The following EPM2A variants were observed in gnomAD, a reference collection of about 807,000 sequenced individuals.
EPM2A encodes laforin.
In EPM2A, 21 loss-of-function variants were observed where a neutral mutation model predicts 26.5. The ratio of observed to expected loss-of-function variants is 0.79; its 90% confidence interval spans 0.56 to 1.14. The LOEUF (loss-of-function observed/expected upper bound fraction) is 1.14, where lower values mean the gene tolerates loss of function less well. Ranked by LOEUF, EPM2A falls within the 50% of genes most tolerant of loss-of-function variation. The pLI, the probability that EPM2A is intolerant of heterozygous loss-of-function variation, is 0.00. For synonymous variants in EPM2A, 217 were observed against 177.6 expected (o/e 1.22, Z -1.76); for missense variants, 458 against 440.8 (o/e 1.04, Z -0.35).
chr6:145,575,636 A>G (rs1405323749), intron 2 of EPM2A, among the ~76,000 whole-genome samples: 4 of 152,174 alleles, frequency 2.6e-5, no homozygotes, highest in Non-Finnish European at 5.9e-5. Context: ...CAAGTTGTCA[A>G]AGGTATTATG....
Position 145,440,825 on chromosome 6 carries a change from C to T in EPM2A, c.556-56728G>A, listed in dbSNP as rs142451418. ...CTCCCACAGAGTTGGGCAGCTCTGC[C>T]CTATGGCCTTGCAGGGGACAGCCCT... On this transcript the variant is annotated intron_variant, in intron 4 of 4. Coordinates refer to the EPM2A transcript ENST00000638717. 2.9e-3 allele frequency among the ~76,000 whole-genome samples: 448 copies of T among 152,316 alleles called. 4 individuals carry two copies. Among genetic ancestry groups the T allele is most frequent in the Non-Finnish European group, 1.6e-3 (110 of 68,026 alleles).
chr6:145,634,758 AC>A (rs1776522542), intron 3 of EPM2A: 1 of 160,038 alleles, frequency 6.2e-6, no homozygotes, highest in African/African-American at 2.4e-5. Context: ...CCTCCAGCCC[AC>A]CCTCAGATCT....
At chr6:145,620,769 T>A (rs1029390607), downstream of EPM2A, among the ~76,000 whole-genome samples, 5 of 152,218 alleles carry the variant, frequency 3.3e-5, no homozygotes. Context: ...ACTAGTTCAT[T>A]TAATAGTAAT....
At chr6:145,694,814 C>T (rs1781479880) in intron 1 of EPM2A, among the ~76,000 whole-genome samples, 1 of 151,924 alleles carries the variant, frequency 6.6e-6, no homozygotes, top group African/African-American at 2.4e-5. Flanking sequence ...TACAACCTAC[C>T]ACATTCACAA....
At chr6:145,616,395 C>T (rs1775512825) in intron 2 of EPM2A, among the ~76,000 whole-genome samples, 1 of 152,192 alleles carries the variant, frequency 6.6e-6, no homozygotes, top group Non-Finnish European at 1.5e-5. Context: ...GCTTGGATGC[C>T]CAGGTAGAGG....
Position 145,686,211 on chromosome 6 carries a change from C to T in EPM2A, c.387G>A (p.Trp129Ter). Residue 129 changes from tryptophan to a stop codon, truncating the protein, a stop_gained, in exon 2 of 4, where the codon TGG (tryptophan) becomes TGA (stop). Coordinates refer to ENST00000367519, the MANE Select transcript of EPM2A (RefSeq NM_005670.4). LOFTEE classifies it high-confidence loss of function. ...DGVYCLPIGH[W>*]IEATGHTNEM... is the part of the protein sequence containing the mutation. ...CATTGGTGTGCCCAGTGGCCTCAAT[C>T]CAGTGTCCTATTGGGAGACAATACA... 6.2e-7 allele frequency: 1 copy of T among 1,613,740 alleles called. No homozygotes were observed. The highest frequency in any genetic ancestry group is 8.5e-7 in the Non-Finnish European group (1 of 1,179,704).
At chr6:145,646,380 G>A (rs1346411066) in intron 2 of EPM2A, among the ~76,000 whole-genome samples, 1 of 151,146 alleles carries the variant, frequency 6.6e-6, no homozygotes, top group Non-Finnish European at 1.5e-5. Flanking sequence ...TTTTCACCAT[G>A]TTGGCCAGGC....
chr6:145,484,007 T>C (rs1215473165), intron 4 of EPM2A, among the ~76,000 whole-genome samples: 1 of 152,150 alleles, frequency 6.6e-6, no homozygotes, highest in Non-Finnish European at 1.5e-5. Context: ...TACAACACCA[T>C]GCAAAAATTT....
rs73559108 is a variant in EPM2A, at chr6:145,411,055, G to T, written c.556-26958C>A. Reference sequence around the variant, plus strand: ...AAGAAGCTAATGAGGGAGGATATGTGAATCTTTCATCTACTATATGAACTA... The same window carrying T: ...AAGAAGCTAATGAGGGAGGATATGTTAATCTTTCATCTACTATATGAACTA... On this transcript the variant is annotated intron_variant, in intron 4 of 4. Transcript: ENST00000638717. 2.3e-3 allele frequency among the ~76,000 whole-genome samples: 352 copies of T among 152,276 alleles called. 1 individual carries two copies. The highest frequency in any genetic ancestry group is 8.0e-3 in the African/African-American group (332 of 41,558).
At chr6:145,406,093 A>T (rs1442170984) in intron 4 of EPM2A, among the ~76,000 whole-genome samples, 2 of 152,016 alleles carry the variant, frequency 1.3e-5, no homozygotes, top group African/African-American at 4.8e-5. Context: ...TATACAAATA[A>T]TTTGTTTAGG....
At chr6:145,638,585 A>G (rs781711372) in intron 2 of EPM2A, 6 of 152,238 alleles carry the variant, frequency 3.9e-5, no homozygotes, top group Non-Finnish European at 8.8e-5. Context: ...TTAAGAAATG[A>G]GTATGAACTA....
intron 2 of EPM2A, among the ~76,000 whole-genome samples, chr6:145,512,403 A>G (rs1007693302): frequency 1.3e-5 from 2 of 152,076 alleles, no homozygotes; most frequent in Non-Finnish European, 2.9e-5. Flanking sequence ...AAATAGACAC[A>G]CAGATCAATG....
chr6:145,438,573 A>G (rs113074329), intron 4 of EPM2A, among the ~76,000 whole-genome samples: 4 of 150,370 alleles, frequency 2.7e-5, no homozygotes, highest in South Asian at 2.1e-4. Context: ...TCTGGAGCTC[A>G]AGTGATTCTC....
intron 2 of EPM2A, among the ~76,000 whole-genome samples, chr6:145,642,416 A>G (rs1777152738): frequency 6.6e-6 from 1 of 152,206 alleles, no homozygotes; most frequent in African/African-American, 2.4e-5. Flanking sequence ...GTTTTAAAGA[A>G]TCTGTGGATT....
rs375469688 is a variant in EPM2A, at chr6:145,568,571, C to T, written c.341-65996G>A. 1.9e-4 allele frequency among the ~76,000 whole-genome samples: 29 copies of T among 152,274 alleles called. No individual in the cohort carries two copies. In the East Asian group the frequency reaches 3.7e-3, roughly 19 times the overall value. ...CTCCCGACCTCAGATGATCCACCTG[C>T]CTTAGCCTCCCAAAGTGCTAGGATT... On this transcript the variant is annotated intron_variant, in intron 2 of 3. Transcript: ENST00000450221.
rs928967152 is a variant in EPM2A at position 145,391,752 on chromosome 6, A to G, written c.556-7655T>C. Among the ~76,000 whole-genome samples the G allele has an allele frequency of 4.9e-4, 74 of 152,328 alleles. 1 individual carries two copies. The highest frequency in any genetic ancestry group is 1.7e-3 in the African/African-American group (69 of 41,578). ...CCCCGTGATTGAAGATAATGCATGC[A>G]TGAGCCCATTGACAGCTCAGTTGTC... On this transcript the variant is annotated intron_variant, in intron 4 of 4. Transcript: ENST00000638717.
At chr6:145,523,131 G>T (rs1188949838) in intron 2 of EPM2A, among the ~76,000 whole-genome samples, 1 of 152,108 alleles carries the variant, frequency 6.6e-6, no homozygotes, top group African/African-American at 2.4e-5. Flanking sequence ...GTTCTTGTGG[G>T]CAGAACTTTG....
intron 1 of EPM2A, among the ~76,000 whole-genome samples, chr6:145,690,464 T>C (rs1295405589): frequency 1.4e-5 from 2 of 142,246 alleles, no homozygotes; most frequent in African/African-American, 5.3e-5. Context: ...GAGCCGAGAT[T>C]GCGCCACTGC....
chr6:145,625,348 G>A lies in EPM2A; in HGVS notation c.*2068C>T, dbSNP rs888517665. ...TTTGCCAAAAGTTTTGGGTGATTTT[G>A]AAATACATTAGACATCCCATTCATT... On this transcript the variant is annotated 3_prime_UTR_variant, in exon 4 of 4. Transcript: ENST00000367519. 2.1e-5 allele frequency: 4 copies of A among 190,792 alleles called. No homozygotes were observed. The highest frequency in any genetic ancestry group is 9.4e-5 in the African/African-American group (4 of 42,634). 11.8% of individuals were successfully genotyped at this position (190,792 alleles called of 1,614,324 possible). A position where few individuals can be genotyped will look rare whatever the true frequency, so the allele number is the denominator to read the frequency against.
Sources: gnomAD v4.1 joint callset for allele counts (sites outside exome capture counted in the v4.1 genomes callset) on GRCh38, gnomAD v4.1.1 for gene constraint, MANE v1.5 for transcripts, NCBI Gene and HGNC (gene_info 2026-07-23, HGNC 2026-07-21) for gene names.